Variants in GABRB1 observed in about 807,000 individuals in gnomAD.
GABRB1 encodes gamma-aminobutyric acid type A receptor subunit beta1.
Under a neutral mutation model 51.6 loss-of-function variants are expected in GABRB1, and 17 were observed. The ratio of observed to expected loss-of-function variants is 0.33; its 90% CI spans 0.23 to 0.49. GABRB1 has a LOEUF of 0.49. Ranked by LOEUF, GABRB1 falls within the 20% of genes least tolerant of loss-of-function variation. The pLI, the probability that GABRB1 is intolerant of heterozygous loss-of-function variation, is 0.99. For missense variants in GABRB1, 410 were observed against 600.6 expected, an observed-to-expected ratio of 0.68 and a Z score of 3.32; for synonymous variants, 247 against 218.9, an observed-to-expected ratio of 1.13 and a Z score of -1.14.
chr4:47,026,171 T>C (rs1376486272), intron 1 of GABRB1, among the ~76,000 whole-genome samples: 2 of 152,098 alleles, frequency 1.3e-5, no homozygotes, highest in East Asian at 1.9e-4. Flanking sequence ...AATAAATAAA[T>C]AAAAAGTCCT....
At chr4:46,995,301 C>A (rs1056656034) in intron 1 of GABRB1, among the ~76,000 whole-genome samples, 2 of 152,136 alleles carry the variant, frequency 1.3e-5, no homozygotes, top group African/African-American at 4.8e-5. Flanking sequence ...TCCAAATATG[C>A]CATGAAAGCA....
chr4:47,070,435 G>T (rs928053377), intron 3 of GABRB1, among the ~76,000 whole-genome samples: 2 of 150,014 alleles, frequency 1.3e-5, no homozygotes, highest in East Asian at 2.0e-4. Context: ...GAGTTCAAGC[G>T]ATTCTCCTGC....
At chr4:47,033,872 A>G (rs1223509271) in intron 3 of GABRB1, among the ~76,000 whole-genome samples, 12 of 152,202 alleles carry the variant, frequency 7.9e-5, no homozygotes, top group Non-Finnish European at 2.9e-5. Flanking sequence ...AAAACGTAAT[A>G]CACAATGAAT....
chr4:47,140,649 T>G (rs573854249), intron 3 of GABRB1, among the ~76,000 whole-genome samples: 5 of 151,942 alleles, frequency 3.3e-5, no homozygotes, highest in Non-Finnish European at 7.4e-5. Context: ...CCTACTACTT[T>G]TTTTCCTAAC....
chr4:47,358,672 C>T (rs1345670374), intron 5 of GABRB1, among the ~76,000 whole-genome samples: 1 of 152,076 alleles, frequency 6.6e-6, no homozygotes, highest in Non-Finnish European at 1.5e-5. Flanking sequence ...AACTTAATTA[C>T]CTCTGCAAAG....
chr4:47,129,416 G>T (rs375440355), intron 3 of GABRB1, among the ~76,000 whole-genome samples: 1 of 152,016 alleles, frequency 6.6e-6, no homozygotes, highest in African/African-American at 2.4e-5. Context: ...TTAAAGAAAC[G>T]TGAATTTAGT....
chr4:47,182,745 GC>G (rs1430347576), intron 4 of GABRB1, among the ~76,000 whole-genome samples: 1 of 151,888 alleles, frequency 6.6e-6, no homozygotes, highest in African/African-American at 2.4e-5. Context: ...GTAATAAGTT[GC>G]TTTAATAGTT....
intron 5 of GABRB1, among the ~76,000 whole-genome samples, chr4:47,385,491 G>T (rs149529348): frequency 1.3e-5 from 2 of 152,154 alleles, no homozygotes; most frequent in African/African-American, 4.8e-5. Context: ...TAAAAGATTT[G>T]ACCACAGGTA....
At chr4:47,151,553 G>C (rs1444844107) in intron 3 of GABRB1, among the ~76,000 whole-genome samples, 1 of 151,892 alleles carries the variant, frequency 6.6e-6, no homozygotes, top group Non-Finnish European at 1.5e-5. Flanking sequence ...TACCATTCTG[G>C]TCATGTAGTC....
At chr4:47,279,521 C>T (rs1286096934) in intron 4 of GABRB1, among the ~76,000 whole-genome samples, 2 of 152,042 alleles carry the variant, frequency 1.3e-5, no homozygotes, top group Admixed American at 1.3e-4. Context: ...ATAGGGAAGG[C>T]CCTTTGATCC....
chr4:47,026,240 A>G (rs935569408), intron 1 of GABRB1, among the ~76,000 whole-genome samples: 3 of 151,994 alleles, frequency 2.0e-5, no homozygotes, highest in African/African-American at 7.2e-5. Flanking sequence ...TTGCCCCAAC[A>G]GTTTGTATCA....
chr4:47,217,451 A>G (rs1311898593), intron 4 of GABRB1, among the ~76,000 whole-genome samples: 1 of 151,622 alleles, frequency 6.6e-6, no homozygotes, highest in East Asian at 1.9e-4. Context: ...GAGATTAAAA[A>G]CTCTCAAGAG....
chr4:47,350,244 G>GAGAGAGAGA (rs1553877270), intron 5 of GABRB1, among the ~76,000 whole-genome samples: 5 of 135,446 alleles, frequency 3.7e-5, no homozygotes, highest in East Asian at 2.2e-4. Flanking sequence ...GAGAGAGAGA[G>GAGAGAGAGA]GTTTTAAGGC....
In GABRB1 at chr4:47,022,993, TAAA is replaced by T. The variant is rs543793672; in HGVS notation, c.-19-8917_-19-8915del. 4.6e-3 allele frequency among the ~76,000 whole-genome samples: 693 copies of T among 152,074 alleles called. 4 individuals carry two copies. Among genetic ancestry groups the T allele is most frequent in the South Asian group, 0.022 (106 of 4,818 alleles). On this transcript the variant is annotated intron_variant, in intron 1 of 3. Coordinates refer to the GABRB1 transcript ENST00000513567. ...TACGCAACAGAGTACTATTCAGCCA[TAAA>T]AAAGAATGAGAGCCAATCATTTGCA...
chr4:47,282,986 A>T (rs1042468509), intron 4 of GABRB1, among the ~76,000 whole-genome samples: 2 of 152,200 alleles, frequency 1.3e-5, no homozygotes, highest in African/African-American at 4.8e-5. Flanking sequence ...TCACTCTTTC[A>T]AGAAGGGAAG....
intron 7 of GABRB1, among the ~76,000 whole-genome samples, chr4:47,405,049 G>C (rs1430793956): frequency 1.3e-5 from 2 of 152,174 alleles, no homozygotes; most frequent in Admixed American, 1.3e-4. Flanking sequence ...GCTTAAAAAT[G>C]TAAAACAAAG....
chr4:47,341,752 G>C (rs1392117055), intron 5 of GABRB1, among the ~76,000 whole-genome samples: 1 of 151,962 alleles, frequency 6.6e-6, no homozygotes, highest in Non-Finnish European at 1.5e-5. Context: ...TCCTTTCTTT[G>C]TTTAATGAAC....
chr4:47,105,250 T>C (rs1714911540), intron 3 of GABRB1, among the ~76,000 whole-genome samples: 1 of 152,114 alleles, frequency 6.6e-6, no homozygotes, highest in Admixed American at 6.6e-5. Context: ...GATTACTCCA[T>C]CATCGGCTTT....
chr4:47,278,361 C>T (rs998577471), intron 4 of GABRB1, among the ~76,000 whole-genome samples: 1 of 152,100 alleles, frequency 6.6e-6, no homozygotes, highest in African/African-American at 2.4e-5. Flanking sequence ...CTTTGAAATG[C>T]ATGCCAAAGA....
Sources: gnomAD v4.1 joint callset for allele counts (sites outside exome capture counted in the v4.1 genomes callset) on GRCh38, gnomAD v4.1.1 for gene constraint, MANE v1.5 for transcripts, NCBI Gene and HGNC (gene_info 2026-07-23, HGNC 2026-07-21) for gene names.